PSMA2: variants seen among roughly 807,000 people sequenced by gnomAD.
PSMA2 encodes proteasome 20S subunit alpha 2.
In PSMA2, 2 loss-of-function variants were observed where a neutral mutation model predicts 35.9. The ratio of observed to expected loss-of-function variants is 0.06; its 90% CI spans 0.02 to 0.18. The LOEUF (loss-of-function observed/expected upper bound fraction) is 0.18, where lower values mean the gene tolerates loss of function less well. Among genes scored for constraint, PSMA2 ranks in the 10% least tolerant of loss-of-function variants. PSMA2 has a pLI of 1.00. For missense variants in PSMA2, 126 were observed against 278.8 expected (o/e 0.45, Z 3.90); for synonymous variants, 97 against 98.2 (o/e 0.99, Z 0.07).
chr7:42,926,257 T>C (rs2330690), intron 3 of PSMA2, among the ~76,000 whole-genome samples: 3,156 of 152,318 alleles, frequency 0.021, 107 homozygotes, highest in African/African-American at 0.07. Flanking sequence ...TCCTGGATAG[T>C]AGAAGAGGAA....
chr7:42,925,129 G>T (rs1043915851), intron 3 of PSMA2, among the ~76,000 whole-genome samples: 1 of 114,008 alleles, frequency 8.8e-6, no homozygotes, highest in Non-Finnish European at 1.9e-5. Flanking sequence ...ACACACACAA[G>T]CACACATAAA....
chr7:42,927,777 A>G (rs1397408423), intron 1 of PSMA2, among the ~76,000 whole-genome samples: 1 of 152,094 alleles, frequency 6.6e-6, no homozygotes, highest in Non-Finnish European at 1.5e-5. Context: ...ATGGTGGTGC[A>G]TGCCTGTAAT....
Position 42,923,356 on chromosome 7 carries a change from C to T in PSMA2, c.425G>A (p.Gly142Glu). The change falls in exon 5 of 8, where the codon GGA (glycine) becomes GAA (glutamate). Residue 142 changes from glycine to glutamate, a missense_variant. Gly to Glu is a moderately conservative substitution (Grantham distance 98, BLOSUM62 -2). This residue lies in a region of PSMA2 where 6 missense variants were observed against 44.0 expected (regional missense o/e 0.14). Transcript: ENST00000223321. ...VSLLICGWNE[G>E]RPYLFQSDPS... ...ATCTGACTGAAATAAATATGGTCGT[C>T]CCTCATTCCAACCACAAATAAGTAA... is the stretch of plus-strand genomic sequence containing the variant. 2 of 1,612,140 alleles carry T rather than the reference C, an allele frequency of 1.2e-6. No homozygotes were observed. The highest frequency in any genetic ancestry group is 1.7e-6 in the Non-Finnish European group (2 of 1,178,326).
intron 5 of PSMA2, 48 bp downstream of exon 5, chr7:42,923,277 C>T (rs1583606823): frequency 7.2e-7 from 1 of 1,386,246 alleles, no homozygotes; most frequent in Non-Finnish European, 1.0e-6. Context: ...GTTAGATATT[C>T]AAAGAGCACT....
At position 42,919,262 on chromosome 7, in the gene PSMA2, C is replaced by T. The variant is rs931450568; in HGVS notation, c.531-1427G>A. 4 of 615,262 alleles carry T rather than the reference C, an allele frequency of 6.5e-6. No individual in the cohort carries two copies. The African/African-American group carries it at 7.3e-5, about 11-fold the overall frequency. 38.1% of individuals were successfully genotyped at this position (615,262 alleles called of 1,614,324 possible). A position where few individuals can be genotyped will look rare whatever the true frequency, so the allele number is the denominator to read the frequency against. On this transcript the variant is annotated intron_variant, in intron 6 of 7. Coordinates refer to ENST00000223321, the MANE Select transcript of PSMA2 (RefSeq NM_002787.5). ...AATGCAACACTGAATAAGGATGCCACCAAAGCAGCCACAGCAGCTGCAGAT... is the reference window on the plus strand; with the variant it reads ...AATGCAACACTGAATAAGGATGCCATCAAAGCAGCCACAGCAGCTGCAGAT...
chr7:42,919,232 T>G, intron 6 of PSMA2: 2 of 618,062 alleles, frequency 3.2e-6, no homozygotes, highest in East Asian at 7.6e-5. Context: ...AAAGATGCTG[T>G]CTGGAATGCA....
chr7:42,924,666 G>A lies in PSMA2; in HGVS notation c.374+9C>T. 3 of 1,603,892 alleles carry A rather than the reference G, an allele frequency of 1.9e-6. No individual in the cohort carries two copies. The highest frequency in any genetic ancestry group is 1.1e-5 in the South Asian group (1 of 89,768). The stretch of plus-strand genomic sequence containing the variant: ...TCATGGCACATTTCAAGTAAAAAAA[G>A]CAACTTACCCTGACTGAGTATATTC... On this transcript the variant is annotated intron_variant, in intron 4 of 7. Transcript: ENST00000223321.
chr7:42,925,591 A>G (rs1786199703), intron 3 of PSMA2, among the ~76,000 whole-genome samples: 1 of 152,154 alleles, frequency 6.6e-6, no homozygotes, highest in Non-Finnish European at 1.5e-5. Flanking sequence ...GTCTCTTAAA[A>G]TTTTTTTTCA....
chr7:42,925,437 A>G (rs1165257754), intron 3 of PSMA2, among the ~76,000 whole-genome samples: 1 of 152,182 alleles, frequency 6.6e-6, no homozygotes, highest in Non-Finnish European at 1.5e-5. Flanking sequence ...GAGGAGGGAG[A>G]TAGAGTACAT....
chr7:42,927,441 G>C lies in PSMA2; in HGVS notation c.60C>G (p.Val20=). The C allele has an allele frequency of 6.2e-7, 1 of 1,614,094 alleles. No homozygotes were observed. The highest frequency in any genetic ancestry group is 1.1e-5 in the South Asian group (1 of 91,082). Residue 20 remains valine, a synonymous_variant, in exon 2 of 8, where the codon GTC becomes GTG. Transcript: ENST00000223321. ...CAGCAGCCAAAGCATATTCAATCTG[G>C]ACAAGTTTACCAGACGGGCTTAAAA... The part of the protein sequence containing the change: ...LTTFSPSGKL[V]QIEYALAAVA...
chr7:42,925,740 T>C (rs1217053940), intron 3 of PSMA2, among the ~76,000 whole-genome samples: 3 of 152,240 alleles, frequency 2.0e-5, no homozygotes, highest in Admixed American at 1.3e-4. Context: ...GTGACAGTCA[T>C]GTCCCATCCC....
At chr7:42,929,235 A>G (rs1423817025) in intron 1 of PSMA2, among the ~76,000 whole-genome samples, 2 of 152,222 alleles carry the variant, frequency 1.3e-5, no homozygotes, top group African/African-American at 4.8e-5. Flanking sequence ...GGCTCTTGAT[A>G]TAATTAATTT....
At chr7:42,926,243 C>G (rs779855156) in intron 3 of PSMA2, among the ~76,000 whole-genome samples, 1 of 152,326 alleles carries the variant, frequency 6.6e-6, no homozygotes, top group East Asian at 1.9e-4. Context: ...CCCTTACGCC[C>G]AGTTCCTGGA....
intron 1 of PSMA2, among the ~76,000 whole-genome samples, chr7:42,929,165 T>C (rs1786257022): frequency 6.6e-6 from 1 of 152,182 alleles, no homozygotes; most frequent in African/African-American, 2.4e-5. Context: ...CACAATCATT[T>C]GGCTGACAGA....
chr7:42,917,693 A>G lies in PSMA2; in HGVS notation c.589-3T>C. On this transcript the variant is annotated splice_region_variant and splice_polypyrimidine_tract_variant and intron_variant, in intron 7 of 7. Coordinates refer to ENST00000223321, the MANE Select transcript of PSMA2 (RefSeq NM_002787.5). ...GTCATTTGCCCTTCAAAGCTTTCCT[A>G]TTGAGGAGGGAGGAAAAAAGGTCAA... is the stretch of plus-strand genomic sequence containing the variant. The G allele has an allele frequency of 2.5e-6, 4 of 1,613,214 alleles. No homozygotes were observed. Among genetic ancestry groups the G allele is most frequent in the South Asian group, 2.2e-5 (2 of 91,006 alleles).
intron 1 of PSMA2, among the ~76,000 whole-genome samples, chr7:42,931,856 T>C (rs1489823249): frequency 2.0e-5 from 3 of 152,126 alleles, no homozygotes; most frequent in Admixed American, 6.5e-5. Flanking sequence ...AAGCGAATCC[T>C]TGGCTATGTG....
intron 6 of PSMA2, chr7:42,921,015 AG>A (rs1786121140): frequency 6.6e-6 from 1 of 152,200 alleles, no homozygotes; most frequent in Admixed American, 6.6e-5. Context: ...GAAGGGAAGA[AG>A]AACTGAAGGA....
intron 6 of PSMA2, chr7:42,919,839 G>A: frequency 1.3e-6 from 1 of 741,240 alleles, no homozygotes; most frequent in Admixed American, 1.8e-5. Context: ...AGGACACTCT[G>A]GTCCTATTCA....
intron 1 of PSMA2, among the ~76,000 whole-genome samples, chr7:42,931,636 A>C (rs1181870819): frequency 6.6e-6 from 1 of 152,168 alleles, no homozygotes; most frequent in Admixed American, 6.5e-5. Context: ...TTTGAAAGAC[A>C]CTAGTGCCAA....
Sources: gnomAD v4.1 joint callset for allele counts (sites outside exome capture counted in the v4.1 genomes callset) on GRCh38, gnomAD v4.1.1 for gene constraint, gnomAD v4.1.1 regional missense constraint, MANE v1.5 for transcripts, NCBI Gene and HGNC (gene_info 2026-07-23, HGNC 2026-07-21) for gene names.